GRAMD1B: variants seen among roughly 807,000 people sequenced by gnomAD.
GRAMD1B encodes protein Aster-B.
In GRAMD1B, 37 loss-of-function variants were observed where a neutral mutation model predicts 99.7. The ratio of observed to expected loss-of-function variants is 0.37; its 90% confidence interval spans 0.29 to 0.49. The LOEUF (loss-of-function observed/expected upper bound fraction) is 0.49, where lower values mean the gene tolerates loss of function less well. GRAMD1B is among the 20% of genes least tolerant of loss of function. The pLI is 0.98. For missense variants in GRAMD1B, 888 were observed against 1,009.2 expected, an observed-to-expected ratio of 0.88 and a Z score of 1.63; for synonymous variants, 427 against 387.6, an observed-to-expected ratio of 1.10 and a Z score of -1.19.
chr11:123,521,538 GCTGAGT>G (rs1194084418), intron 2 of GRAMD1B, among the ~76,000 whole-genome samples: 1 of 152,060 alleles, frequency 6.6e-6, no homozygotes, highest in Non-Finnish European at 1.5e-5. Context: ...CTTTACTGTG[GCTGAGT>G]CTATCATTTT....
intron 1 of GRAMD1B, among the ~76,000 whole-genome samples, chr11:123,419,510 A>C (rs1948346931): frequency 6.6e-6 from 1 of 152,144 alleles, no homozygotes; most frequent in African/African-American, 2.4e-5. Context: ...ACATGTCTCT[A>C]GTCCAAGCTA....
At chr11:123,594,879 T>A (rs773112884) in intron 6 of GRAMD1B, 41 bp downstream of exon 6, 4 of 1,026,314 alleles carry the variant, frequency 3.9e-6, no homozygotes, top group Admixed American at 1.7e-5. Flanking sequence ...TCTCCTTGGC[T>A]ATGGCTGAGC....
intron 1 of GRAMD1B, among the ~76,000 whole-genome samples, chr11:123,452,188 C>T (rs1949917369): frequency 1.3e-5 from 2 of 152,030 alleles, no homozygotes; most frequent in South Asian, 4.1e-4. Flanking sequence ...TAATTGTGAA[C>T]AAATGTAAAA....
intron 1 of GRAMD1B, among the ~76,000 whole-genome samples, chr11:123,412,838 G>A (rs950119632): frequency 6.6e-6 from 1 of 152,114 alleles, no homozygotes; most frequent in Non-Finnish European, 1.5e-5. Context: ...CTGGAGTGCA[G>A]TGGCGCGATC....
In GRAMD1B at chr11:123,605,451, C is replaced by T. The variant is rs761052887; in HGVS notation, c.1296C>T (p.Ser432=). The T allele has an allele frequency of 6.2e-6, 10 of 1,612,774 alleles. No homozygotes were observed. Among genetic ancestry groups the T allele is most frequent in the Non-Finnish European group, 7.6e-6 (9 of 1,179,220 alleles). Residue 432 remains serine, a synonymous_variant, in exon 10 of 20, where the codon TCC becomes TCT. Coordinates refer to ENST00000635736, the MANE Select transcript of GRAMD1B (RefSeq NM_001387025.1). ...CCATCACCAACAGCACACTAACATCCACAGGGAGCAGTGAGGCCCCCGTCT... is the reference window on the plus strand; with the variant it reads ...CCATCACCAACAGCACACTAACATCTACAGGGAGCAGTGAGGCCCCCGTCT... The part of the protein sequence containing the change: ...KKSITNSTLT[S]TGSSEAPVSF...
At chr11:123,384,089 T>A (rs1216399326) in intron 1 of GRAMD1B, among the ~76,000 whole-genome samples, 3 of 152,062 alleles carry the variant, frequency 2.0e-5, no homozygotes, top group African/African-American at 7.2e-5. Context: ...AGGGTGGTCT[T>A]GAACTCCTGA....
intron 6 of GRAMD1B, among the ~76,000 whole-genome samples, chr11:123,595,482 C>T (rs547569772): frequency 1.3e-5 from 2 of 152,090 alleles, no homozygotes; most frequent in African/African-American, 2.4e-5. Flanking sequence ...TAAGTAGAGA[C>T]GGGGTTTCTC....
chr11:123,601,235 G>T (rs543527038), intron 8 of GRAMD1B, among the ~76,000 whole-genome samples: 2 of 152,268 alleles, frequency 1.3e-5, no homozygotes, highest in East Asian at 3.9e-4. Context: ...TTAAAGTACA[G>T]AAAATGTAGT....
intron 2 of GRAMD1B, among the ~76,000 whole-genome samples, chr11:123,494,709 G>C (rs1939019613): frequency 6.6e-6 from 1 of 152,130 alleles, no homozygotes; most frequent in African/African-American, 2.4e-5. Context: ...TTGGGATTTA[G>C]ATTTGGACAA....
intron 17 of GRAMD1B, among the ~76,000 whole-genome samples, chr11:123,615,729 A>G (rs142659400): frequency 1.6e-3 from 237 of 152,372 alleles, no homozygotes; most frequent in Middle Eastern, 3.4e-3. Context: ...TTATCCAGGA[A>G]GAGGTGACAG....
intron 1 of GRAMD1B, among the ~76,000 whole-genome samples, chr11:123,423,830 A>G (rs1010810604): frequency 8.5e-5 from 13 of 152,192 alleles, no homozygotes; most frequent in African/African-American, 1.2e-4. Context: ...ATCTCTCATC[A>G]TCTTGAAATA....
intron 2 of GRAMD1B, among the ~76,000 whole-genome samples, chr11:123,565,362 A>C (rs1947247760): frequency 6.6e-6 from 1 of 152,114 alleles, no homozygotes; most frequent in Non-Finnish European, 1.5e-5. Context: ...TAAAAGTATT[A>C]AGTTCTTACT....
intron 2 of GRAMD1B, among the ~76,000 whole-genome samples, chr11:123,483,087 G>T (rs1951700774): frequency 1.3e-5 from 2 of 151,980 alleles, no homozygotes; most frequent in South Asian, 4.1e-4. Flanking sequence ...CTGGAAAAGA[G>T]ATTTTTAGAT....
chr11:123,535,005 C>T (rs945694287), intron 2 of GRAMD1B, among the ~76,000 whole-genome samples: 2 of 152,128 alleles, frequency 1.3e-5, no homozygotes, highest in East Asian at 1.9e-4. Context: ...CAAGGGTAGA[C>T]GTTTAAGTGG....
chr11:123,410,592 G>A lies in GRAMD1B; in HGVS notation c.-176+51793G>A, dbSNP rs147355453. Among the ~76,000 whole-genome samples, 16 of 152,112 alleles carry A rather than the reference G, an allele frequency of 1.1e-4. No individual in the cohort carries two copies. The East Asian group carries it at 2.3e-3, about 22-fold the overall frequency. On this transcript the variant is annotated intron_variant, in intron 1 of 20. Transcript: ENST00000638157. The stretch of plus-strand genomic sequence containing the variant: ...CCTTCTGTTTGTCCCTGCTCCACCC[G>A]CCAGTAGCACCTGCAGACCACATCC...
chr11:123,580,000 G>A (rs893396770), intron 3 of GRAMD1B, among the ~76,000 whole-genome samples: 1 of 152,188 alleles, frequency 6.6e-6, no homozygotes, highest in Admixed American at 6.5e-5. Flanking sequence ...TTGGGTGGAC[G>A]CCATGCCCAT....
At chr11:123,583,387 T>C (rs1310082150) in intron 3 of GRAMD1B, among the ~76,000 whole-genome samples, 1 of 71,276 alleles carries the variant, frequency 1.4e-5, no homozygotes, top group African/African-American at 4.6e-5. Flanking sequence ...GTGTGGTGTG[T>C]ATGTGTGCGT....
Position 123,578,322 on chromosome 11 carries a change from A to C in GRAMD1B, c.663+745A>C. Reference sequence around the variant, plus strand: ...TGGGAGGCATGGGAGCTGGCTTCCCACTTGAATTTGTCTTTTGATTTCTTG... The same window carrying C: ...TGGGAGGCATGGGAGCTGGCTTCCCCCTTGAATTTGTCTTTTGATTTCTTG... On this transcript the variant is annotated intron_variant, in intron 3 of 19. Transcript: ENST00000635736. The C allele has an allele frequency of 3.5e-6, 4 of 1,137,910 alleles. No individual in the cohort carries two copies. The South Asian group carries it at 4.0e-5, about 11-fold the overall frequency. The allele number at this position is 1,137,910 out of a possible 1,614,324, so 70.5% of individuals were successfully genotyped here. A position where few individuals can be genotyped will look rare whatever the true frequency, so the allele number is the denominator to read the frequency against.
intron 1 of GRAMD1B, among the ~76,000 whole-genome samples, chr11:123,446,306 C>T (rs1044402284): frequency 6.6e-6 from 1 of 152,164 alleles, no homozygotes; most frequent in Non-Finnish European, 1.5e-5. Context: ...GCTGGGATTA[C>T]AGGTGTGTGC....
Sources: gnomAD v4.1 joint callset for allele counts (sites outside exome capture counted in the v4.1 genomes callset) on GRCh38, gnomAD v4.1.1 for gene constraint, MANE v1.5 for transcripts, NCBI Gene and HGNC (gene_info 2026-07-23, HGNC 2026-07-21) for gene names.